The following RERE variants were observed in gnomAD, a reference collection of about 807,000 sequenced individuals.
RERE encodes arginine-glutamic acid dipeptide repeats protein.
RERE carries 40 observed loss-of-function variants against 146.1 expected under a neutral mutation model. The ratio of observed to expected loss-of-function variants is 0.27; its 90% CI spans 0.21 to 0.36. The LOEUF (loss-of-function observed/expected upper bound fraction) is 0.36. Ranked by LOEUF, RERE falls within the 10% of genes least tolerant of loss-of-function variation. The pLI is 1.00. For missense variants in RERE, 1,933 were observed against 2,138.7 expected (o/e 0.90, Z 1.90); for synonymous variants, 1,003 against 866.0 (o/e 1.16, Z -2.78).
chr1:8,358,542 G>A lies in RERE; in HGVS notation c.3993C>T (p.Pro1331=), dbSNP rs1348044748. 2 of 1,603,262 alleles carry A rather than the reference G, an allele frequency of 1.2e-6. No individual in the cohort carries two copies. The highest frequency in any genetic ancestry group is 2.2e-5 in the East Asian group (1 of 44,806). ...ERMKPGFEVK[P]PELDPLHPAA... is the part of the protein sequence containing the mutation. ...CTGGGTGCAGGGGGTCCAGCTCTGG[G>A]GGCTTCACCTCGAAGCCCGGCTTCA... Residue 1331 remains proline, a synonymous_variant, in exon 20 of 23, where the codon CCC becomes CCT. Coordinates refer to ENST00000400908, the MANE Select transcript of RERE (RefSeq NM_001042681.2).
chr1:8,543,756 G>T (rs1270212837), intron 6 of RERE, among the ~76,000 whole-genome samples: 1 of 152,154 alleles, frequency 6.6e-6, no homozygotes, highest in Non-Finnish European at 1.5e-5. Flanking sequence ...CTCAAGACTT[G>T]CCAAATGTCT....
intron 1 of RERE, among the ~76,000 whole-genome samples, chr1:8,751,949 T>C (rs571340144): frequency 1.5e-5 from 1 of 64,850 alleles, no homozygotes. Context: ...GTTTTAAGAT[T>C]GCAAAAAAAA....
At chr1:8,647,865 A>G (rs1414884861) in intron 2 of RERE, among the ~76,000 whole-genome samples, 1 of 152,218 alleles carries the variant, frequency 6.6e-6, no homozygotes, top group Non-Finnish European at 1.5e-5. Flanking sequence ...TTGTTAAAAT[A>G]TCGGGGACTC....
chr1:8,685,450 G>A (rs1027147806), intron 1 of RERE, among the ~76,000 whole-genome samples: 23 of 152,088 alleles, frequency 1.5e-4, no homozygotes, highest in Admixed American at 3.3e-4. Context: ...GGCCGGGCGC[G>A]GTGGCTCACG....
intron 1 of RERE, among the ~76,000 whole-genome samples, chr1:8,727,166 G>A (rs1377339559): frequency 1.3e-5 from 2 of 151,984 alleles, no homozygotes; most frequent in Non-Finnish European, 2.9e-5. Context: ...TGGGGGGAAA[G>A]GAGTCTCGCT....
intron 12 of RERE, among the ~76,000 whole-genome samples, chr1:8,416,305 G>A (rs545782786): frequency 6.6e-6 from 1 of 152,296 alleles, no homozygotes; most frequent in African/African-American, 2.4e-5. Flanking sequence ...CTGGCTCACG[G>A]TCAGGCGCGG....
chr1:8,510,841 T>G (rs964578028), intron 7 of RERE, among the ~76,000 whole-genome samples: 1 of 152,238 alleles, frequency 6.6e-6, no homozygotes, highest in Non-Finnish European at 1.5e-5. Flanking sequence ...ACTCTGGAGT[T>G]CTCCAGTGGT....
chr1:8,680,452 A>G (rs114413179), intron 1 of RERE, among the ~76,000 whole-genome samples: 4 of 152,204 alleles, frequency 2.6e-5, no homozygotes, highest in African/African-American at 9.7e-5. Flanking sequence ...CTCGCCCGGA[A>G]TTCTAGCTTG....
At chr1:8,534,199 T>C (rs1645693876) in intron 7 of RERE, among the ~76,000 whole-genome samples, 1 of 152,216 alleles carries the variant, frequency 6.6e-6, no homozygotes, top group African/African-American at 2.4e-5. Flanking sequence ...TGTTTTAGAT[T>C]GTTAACTTTT....
intron 1 of RERE, among the ~76,000 whole-genome samples, chr1:8,734,319 GGGA>G (rs373109698): frequency 8.5e-5 from 13 of 152,212 alleles, no homozygotes; most frequent in South Asian, 6.2e-4. Context: ...GATTTGGGGT[GGGA>G]GGAGAAGGGA....
At chr1:8,679,603 T>G (rs577060963) in intron 1 of RERE, among the ~76,000 whole-genome samples, 6 of 152,300 alleles carry the variant, frequency 3.9e-5, no homozygotes, top group African/African-American at 9.6e-5. Context: ...GGTACAATCT[T>G]AAGTCTACCC....
chr1:8,471,337 G>C (rs897247698), intron 10 of RERE, among the ~76,000 whole-genome samples: 3 of 151,604 alleles, frequency 2.0e-5, no homozygotes, highest in Non-Finnish European at 2.9e-5. Context: ...TTTGAGACAG[G>C]GTGTTGGCTC....
intron 1 of RERE, among the ~76,000 whole-genome samples, chr1:8,739,720 G>A (rs1451878942): frequency 6.6e-6 from 1 of 151,870 alleles, no homozygotes; most frequent in East Asian, 1.9e-4. Flanking sequence ...AAAACCTAGA[G>A]GCATCCTTGA....
At chr1:8,462,801 G>C (rs940881402) in intron 11 of RERE, among the ~76,000 whole-genome samples, 3 of 152,160 alleles carry the variant, frequency 2.0e-5, no homozygotes, top group African/African-American at 7.2e-5. Context: ...GCTGCTCAGA[G>C]GCTGATGTGG....
chr1:8,556,437 T>G (rs752286307), intron 6 of RERE, 38 bp downstream of exon 6: 2 of 1,188,056 alleles, frequency 1.7e-6, no homozygotes, highest in Admixed American at 1.7e-5. Context: ...ACTCAGTGAC[T>G]CCTCCTTCAC....
chr1:8,475,899 G>A (rs1355832740), intron 10 of RERE, among the ~76,000 whole-genome samples: 1 of 152,106 alleles, frequency 6.6e-6, no homozygotes, highest in East Asian at 1.9e-4. Context: ...TACCAGAGAG[G>A]CTAAAATTTG....
intron 12 of RERE, among the ~76,000 whole-genome samples, chr1:8,410,499 T>C (rs545872716): frequency 3.3e-5 from 5 of 152,232 alleles, no homozygotes; most frequent in African/African-American, 1.2e-4. Flanking sequence ...GTGATACAGA[T>C]TTCAGCTTAA....
intron 1 of RERE, among the ~76,000 whole-genome samples, chr1:8,767,537 G>A (rs1640870446): frequency 6.7e-6 from 1 of 150,158 alleles, no homozygotes; most frequent in Non-Finnish European, 1.5e-5. Context: ...ACCAGTAGGT[G>A]GAGGCTGCAG....
At chr1:8,617,119 C>A (rs1314492699) in intron 3 of RERE, among the ~76,000 whole-genome samples, 1 of 151,834 alleles carries the variant, frequency 6.6e-6, no homozygotes, top group Non-Finnish European at 1.5e-5. Context: ...CCGAGGCGGG[C>A]GGATCACAAG....
Sources: allele counts gnomAD v4.1 joint callset (sites outside exome capture counted in the v4.1 genomes callset), GRCh38; gene constraint gnomAD v4.1.1; transcripts MANE v1.5; gene names NCBI Gene and HGNC (gene_info 2026-07-23, HGNC 2026-07-21).